MYH16: variants seen among roughly 807,000 people sequenced by gnomAD.
MYH16 encodes putative uncharacterized protein MYH16.
At chr7:99,276,478 C>A (rs1295547054) in intron 20 of MYH16, among the ~76,000 whole-genome samples, 1 of 152,248 alleles carries the variant, frequency 6.6e-6, no homozygotes, top group African/African-American at 2.4e-5. Context: ...GAGGGGCTTG[C>A]AGATGCAGGG....
chr7:99,271,469 A>G (rs1020624666), intron 19 of MYH16, among the ~76,000 whole-genome samples: 1 of 152,182 alleles, frequency 6.6e-6, no homozygotes, highest in Non-Finnish European at 1.5e-5. Flanking sequence ...AGATCGTGCC[A>G]TTGCACTCCA....
Position 99,296,682 on chromosome 7 carries a change from C to T in MYH16, n.4283-19C>T, listed in dbSNP as rs1184199084. On this transcript the variant is annotated intron_variant and non_coding_transcript_variant, in intron 33 of 41. Coordinates refer to ENST00000439784, the Ensembl canonical transcript of MYH16. Reference sequence around the variant, plus strand: ...GCAAGGAGGTTGGACCCCTAGAGGCCATTTCCAACTTTCCCTAGGCCAATG... The same window carrying T: ...GCAAGGAGGTTGGACCCCTAGAGGCTATTTCCAACTTTCCCTAGGCCAATG... The T allele has an allele frequency of 2.2e-6, 1 of 454,944 alleles. No individual in the cohort carries two copies. The allele number at this position is 454,944 out of a possible 1,614,324, so 28.2% of individuals were successfully genotyped here. A position where few individuals can be genotyped will look rare whatever the true frequency, so the allele number is the denominator to read the frequency against.
chr7:99,310,839 A>C (rs1792750549), downstream of MYH16: 1 of 152,232 alleles, frequency 6.6e-6, no homozygotes. Flanking sequence ...AGAAAGTGCA[A>C]GCCAGGAAGA....
At chr7:99,294,500 C>CAAAAAAAAAAAAAA (rs1159682450) in intron 33 of MYH16, among the ~76,000 whole-genome samples, 7 of 25,550 alleles carry the variant, frequency 2.7e-4, no homozygotes, top group African/African-American at 4.2e-4. Context: ...GACCCTGTCT[C>CAAAAAAAAAAAAAA]AAAAAAAAAA....
chr7:99,271,549 A>G (rs1295774828), intron 19 of MYH16, among the ~76,000 whole-genome samples: 1 of 150,398 alleles, frequency 6.6e-6, no homozygotes, highest in Non-Finnish European at 1.5e-5. Flanking sequence ...AGCTGCCGCA[A>G]CCAAGTTCAC....
intron 18 of MYH16, among the ~76,000 whole-genome samples, chr7:99,269,999 G>A (rs1036686109): frequency 8.1e-5 from 12 of 149,016 alleles, no homozygotes; most frequent in Non-Finnish European, 1.0e-4. Flanking sequence ...TCAGCCTCCC[G>A]AGTAACTGGG....
intron 30 of MYH16, chr7:99,290,803 CA>C (rs35108042): frequency 0.054 from 5,733 of 107,040 alleles, 286 homozygotes; most frequent in African/African-American, 0.14. Context: ...AACTTGGTCT[CA>C]AAAAAAAAAA....
intron 20 of MYH16, among the ~76,000 whole-genome samples, chr7:99,275,351 C>T (rs924095669): frequency 6.6e-6 from 1 of 152,142 alleles, no homozygotes; most frequent in African/African-American, 2.4e-5. Context: ...CAGCCAGTCT[C>T]AAACTCCTGA....
At chr7:99,299,969 T>G in intron 37 of MYH16, among the ~76,000 whole-genome samples, 1 of 150,770 alleles carries the variant, frequency 6.6e-6, no homozygotes, top group East Asian at 1.9e-4. Context: ...ATTTATTTAT[T>G]TATTTATTTG....
At chr7:99,287,533 CA>C (rs397889162) in intron 28 of MYH16, among the ~76,000 whole-genome samples, 705 of 46,896 alleles carry the variant, frequency 0.015, 1 homozygote, top group East Asian at 0.021. Context: ...AACTTCTTCT[CA>C]AAAAAAAAAA....
intron 2 of MYH16, among the ~76,000 whole-genome samples, chr7:99,243,827 A>G (rs1019126620): frequency 2.6e-5 from 4 of 151,706 alleles, no homozygotes; most frequent in Admixed American, 6.6e-5. Flanking sequence ...TCATCCATCT[A>G]TCCATTCGTT....
At chr7:99,277,813 C>A in intron 21 of MYH16, 101 bp downstream of exon 3, 2 of 363,746 alleles carry the variant, frequency 5.5e-6, no homozygotes, top group Non-Finnish European at 1.1e-5. Context: ...CCCTCCAGAC[C>A]ACGGGAAATT....
chr7:99,244,364 T>G (rs760874584), intron 2 of MYH16, among the ~76,000 whole-genome samples: 5 of 152,266 alleles, frequency 3.3e-5, no homozygotes, highest in Non-Finnish European at 7.3e-5. Context: ...GTCCCCTGAG[T>G]GTCTTTGAAA....
intron 31 of MYH16, among the ~76,000 whole-genome samples, chr7:99,292,008 GA>G (rs1440732700): frequency 1.3e-5 from 2 of 152,180 alleles, no homozygotes; most frequent in Non-Finnish European, 2.9e-5. Context: ...GAAAGTTACA[GA>G]TTATGAAGAT....
exon 10 of MYH16, chr7:99,257,381 G>C: frequency 5.6e-6 from 1 of 179,538 alleles, no homozygotes; most frequent in African/African-American, 2.4e-5. Flanking sequence ...ATGCACTTTG[G>C]GAACATGAAG....
intron 36 of MYH16, among the ~76,000 whole-genome samples, chr7:99,298,272 G>C (rs1381468236): frequency 2.1e-5 from 3 of 142,926 alleles, no homozygotes; most frequent in Non-Finnish European, 4.5e-5. Context: ...TTGCTCTGTT[G>C]CCTAGGCCAC....
intron 20 of MYH16, among the ~76,000 whole-genome samples, chr7:99,277,030 T>TGAGAGAGACACAGAGAGA (rs377290457): frequency 4.9e-5 from 7 of 143,982 alleles, no homozygotes; most frequent in African/African-American, 7.7e-5. Context: ...AGGAATGGCA[T>TGAGAGAGACACAGAGAGA]GAGAGAGACA....
chr7:99,297,744 T>C, exon 35 of MYH16: 1 of 456,330 alleles, frequency 2.2e-6, no homozygotes, highest in Non-Finnish European at 4.4e-6. Context: ...AAATTGGAGA[T>C]GGAAAAGGAA....
intron 12 of MYH16, chr7:99,260,636 A>C (rs186810793): frequency 4.5e-6 from 1 of 221,734 alleles, no homozygotes; most frequent in Non-Finnish European, 9.1e-6. Context: ...AGATGGGAAC[A>C]TTGAGGCACA....
Sources: allele counts gnomAD v4.1 joint callset (sites outside exome capture counted in the v4.1 genomes callset), GRCh38; gene constraint gnomAD v4.1.1; transcripts MANE v1.5; gene names NCBI Gene and HGNC (gene_info 2026-07-23, HGNC 2026-07-21).